The following ABCA13 variants were observed in gnomAD, a reference collection of about 807,000 sequenced individuals.
ABCA13 encodes the protein ATP binding cassette subfamily A member 13, also known as ATP-binding cassette sub-family A member 13.
In ABCA13, 476 loss-of-function variants were observed where a neutral mutation model predicts 478.7. The observed-to-expected ratio is 0.99, with a 90% CI of 0.92 to 1.07. The LOEUF (loss-of-function observed/expected upper bound fraction) is 1.07, where lower values mean the gene tolerates loss of function less well. Ranked by LOEUF, ABCA13 falls within the 50% of genes least tolerant of loss-of-function variation. ABCA13 has a pLI of 0.00. For synonymous variants in ABCA13, 2,252 were observed against 2,158.9 expected (o/e 1.04, Z -1.20); for missense variants, 6,060 against 5,910.6 (o/e 1.03, Z -0.83).
intron 45 of ABCA13, among the ~76,000 whole-genome samples, chr7:48,475,280 G>A (rs1827956507): frequency 6.6e-6 from 1 of 152,100 alleles, no homozygotes; most frequent in Non-Finnish European, 1.5e-5. Context: ...TGTCTCAAAG[G>A]AGACGTACAC....
At chr7:48,486,334 CA>C (rs1829294689) in intron 47 of ABCA13, among the ~76,000 whole-genome samples, 1 of 152,190 alleles carries the variant, frequency 6.6e-6, no homozygotes, top group African/African-American at 2.4e-5. Flanking sequence ...AACATTCTCT[CA>C]AGAGAGCTCC....
intron 27 of ABCA13, among the ~76,000 whole-genome samples, chr7:48,321,122 C>T (rs1271992362): frequency 6.6e-6 from 1 of 152,020 alleles, no homozygotes; most frequent in African/African-American, 2.4e-5. Context: ...GAAATTTTAC[C>T]CAACTGGGCA....
intron 31 of ABCA13, among the ~76,000 whole-genome samples, chr7:48,353,689 A>G (rs1327952766): frequency 6.6e-6 from 1 of 151,836 alleles, no homozygotes; most frequent in East Asian, 1.9e-4. Flanking sequence ...ATAATAGCAC[A>G]TCCACACATT....
intron 20 of ABCA13, among the ~76,000 whole-genome samples, chr7:48,293,301 C>A (rs943537045): frequency 1.3e-5 from 2 of 150,580 alleles, no homozygotes; most frequent in African/African-American, 2.4e-5. Flanking sequence ...CAGCAGTCTT[C>A]ACATTTCCTT....
At chr7:48,310,670 G>A (rs1422152717) in intron 24 of ABCA13, among the ~76,000 whole-genome samples, 1 of 152,158 alleles carries the variant, frequency 6.6e-6, no homozygotes, top group African/African-American at 2.4e-5. Context: ...CCAATCCCCT[G>A]TGTGTGCCGG....
Position 48,289,686 on chromosome 7 carries a change from T to C in ABCA13, c.8955+1608T>C, listed in dbSNP as rs147811640. ...TCACAGACAATTTTTTAGTGATGAG[T>C]GAAGGTTATAATAATAAAATAGTCA... On this transcript the variant is annotated intron_variant, in intron 20 of 61. Transcript: ENST00000435803. Among the ~76,000 whole-genome samples the C allele has an allele frequency of 3.7e-3, 556 of 151,918 alleles. 2 individuals carry two copies. Among genetic ancestry groups the C allele is most frequent in the Middle Eastern group, 0.024 (7 of 294 alleles).
chr7:48,249,455 A>C (rs1792198066), intron 15 of ABCA13, 104 bp downstream of exon 15: 10 of 1,452,806 alleles, frequency 6.9e-6, no homozygotes, highest in Non-Finnish European at 8.5e-6. Flanking sequence ...CGGGGCTTAA[A>C]ATGGGTGGCT....
chr7:48,196,658 T>C (rs867418805), intron 2 of ABCA13, among the ~76,000 whole-genome samples: 11 of 152,120 alleles, frequency 7.2e-5, no homozygotes, highest in Middle Eastern at 3.4e-3. Context: ...CCATGCCAGG[T>C]CTTTAATCTT....
At chr7:48,369,829 G>A (rs151009025) in intron 32 of ABCA13, among the ~76,000 whole-genome samples, 2,672 of 152,178 alleles carry the variant, frequency 0.018, 29 homozygotes, top group Admixed American at 0.023. Flanking sequence ...ATAATGTGAT[G>A]CCTCCAGATT....
chr7:48,575,143 C>G (rs1009965898), intron 55 of ABCA13, among the ~76,000 whole-genome samples: 5 of 151,748 alleles, frequency 3.3e-5, no homozygotes, highest in Non-Finnish European at 7.4e-5. Context: ...GAACTATAAA[C>G]TTAAGTGGAT....
Position 48,276,049 on chromosome 7 carries a change from A to G in ABCA13, c.6383A>G (p.Asn2128Ser), listed in dbSNP as rs1796259155. The change falls in exon 17 of 62, where the codon AAC (asparagine) becomes AGC (serine). Residue 2128 changes from asparagine (N) to serine (S), a missense_variant. Physicochemically the swap from Asn to Ser is conservative, Grantham distance 46 (BLOSUM62 1). Coordinates refer to ENST00000435803, the MANE Select transcript of ABCA13 (RefSeq NM_152701.5). The stretch of plus-strand genomic sequence containing the variant: ...GAAGATTTTCTATTGGTCACAAAAA[A>G]CTGGCTTCAGGAATATGCAAATGAG... ...IIEDFLLVTK[N>S]WLQEYANEDY... 3.7e-6 allele frequency: 6 copies of G among 1,608,098 alleles called. No individual in the cohort carries two copies. Among genetic ancestry groups the G allele is most frequent in the Non-Finnish European group, 5.1e-6 (6 of 1,176,852 alleles).
intron 26 of ABCA13, 150 bp from the exon 27 acceptor site, chr7:48,317,007 A>T (rs764014684): frequency 2.2e-6 from 2 of 917,774 alleles, no homozygotes; most frequent in Non-Finnish European, 1.6e-6. Flanking sequence ...CAGATATTCA[A>T]ACTATAGCAC....
intron 38 of ABCA13, among the ~76,000 whole-genome samples, chr7:48,401,140 G>C (rs185360487): frequency 3.7e-3 from 558 of 152,236 alleles, no homozygotes; most frequent in African/African-American, 0.013. Flanking sequence ...ATACAATGTG[G>C]TTCTAATAAT....
At chr7:48,557,435 T>C (rs936517645) in intron 55 of ABCA13, among the ~76,000 whole-genome samples, 2 of 152,094 alleles carry the variant, frequency 1.3e-5, no homozygotes, top group Admixed American at 6.5e-5. Flanking sequence ...TCTTTTTTTT[T>C]CCCTTCATGT....
intron 41 of ABCA13, among the ~76,000 whole-genome samples, chr7:48,426,239 A>G (rs991831695): frequency 6.6e-6 from 1 of 152,206 alleles, no homozygotes; most frequent in Non-Finnish European, 1.5e-5. Flanking sequence ...CTTTCACATG[A>G]AGGTAGCTGC....
intron 57 of ABCA13, among the ~76,000 whole-genome samples, chr7:48,587,793 A>G (rs1273298234): frequency 6.6e-6 from 1 of 152,226 alleles, no homozygotes; most frequent in African/African-American, 2.4e-5. Flanking sequence ...TCTATAATCA[A>G]TCTGGGAACT....
intron 27 of ABCA13, among the ~76,000 whole-genome samples, chr7:48,326,979 T>G (rs1453581736): frequency 6.6e-6 from 1 of 152,018 alleles, no homozygotes; most frequent in African/African-American, 2.4e-5. Flanking sequence ...AGATAGAGAG[T>G]TTTACATTTG....
chr7:48,251,087 A>G (rs571493823), intron 15 of ABCA13, among the ~76,000 whole-genome samples: 6 of 152,224 alleles, frequency 3.9e-5, no homozygotes, highest in African/African-American at 4.8e-5. Context: ...GGGCCTTTGC[A>G]TTTTCTACAG....
rs1482384979 is a variant in ABCA13 at position 48,272,151 on chromosome 7, G to T, written c.2485G>T (p.Glu829Ter). The T allele has an allele frequency of 1.2e-6, 2 of 1,612,990 alleles. No homozygotes were observed. The highest frequency in any genetic ancestry group is 2.2e-5 in the South Asian group (2 of 90,938). ...LLRFIELILFEINPKLLELWA... is the reference protein window; with the variant it reads ...LLRFIELILF ...GAGATTCATAGAATTAATACTTTTT[G>T]AAATTAATCCCAAATTACTAGAATT... Residue 829 changes from glutamate to a stop codon, truncating the protein, a stop_gained, in exon 17 of 62, where the codon GAA (glutamate) becomes TAA (stop). Transcript: ENST00000435803. LOFTEE classifies it high-confidence loss of function.
Sources: gnomAD v4.1 joint callset for allele counts (sites outside exome capture counted in the v4.1 genomes callset) on GRCh38, gnomAD v4.1.1 for gene constraint, MANE v1.5 for transcripts, NCBI Gene and HGNC (gene_info 2026-07-23, HGNC 2026-07-21) for gene names.